Variants in SMG6 observed in about 807,000 individuals in gnomAD.
SMG6 encodes the protein SMG6 nonsense mediated mRNA decay factor, also known as telomerase-binding protein EST1A.
A neutral mutation model predicts 142.2 loss-of-function variants in SMG6; 66 were observed. The observed-to-expected ratio is 0.46, with a 90% CI of 0.38 to 0.57. SMG6 has a LOEUF of 0.57. SMG6 is among the 20% of genes least tolerant of loss of function. The pLI is 0.00. For missense variants in SMG6, 1,793 were observed against 1,832.0 expected, an observed-to-expected ratio of 0.98 and a Z score of 0.39; for synonymous variants, 779 against 702.4, an observed-to-expected ratio of 1.11 and a Z score of -1.72.
intron 8 of SMG6, among the ~76,000 whole-genome samples, chr17:2,246,231 A>C (rs1295290938): frequency 6.6e-6 from 1 of 152,186 alleles, no homozygotes; most frequent in Non-Finnish European, 1.5e-5. Flanking sequence ...CTAAAAACTA[A>C]ACCTCCTTGT....
At chr17:2,303,449 G>C (rs939894210) in intron 1 of SMG6, 184 bp downstream of exon 1, 2 of 1,305,224 alleles carry the variant, frequency 1.5e-6, no homozygotes, top group African/African-American at 3.1e-5. Flanking sequence ...GACTGGCCGA[G>C]CCCGACCCCG....
At chr17:2,274,526 G>T (rs546424067) in intron 8 of SMG6, among the ~76,000 whole-genome samples, 1 of 152,252 alleles carries the variant, frequency 6.6e-6, no homozygotes, top group Admixed American at 6.5e-5. Flanking sequence ...TCATTTGTTG[G>T]GTGAAGATAG....
intron 8 of SMG6, among the ~76,000 whole-genome samples, chr17:2,250,695 T>TA (rs1281431197): frequency 6.6e-6 from 1 of 152,080 alleles, no homozygotes; most frequent in Non-Finnish European, 1.5e-5. Context: ...CATATATTTT[T>TA]AAAAAAACAA....
intron 10 of SMG6, among the ~76,000 whole-genome samples, chr17:2,210,697 CGA>C (rs1438595083): frequency 6.8e-6 from 1 of 147,632 alleles, no homozygotes; most frequent in African/African-American, 2.5e-5. Context: ...ATGAGCAAAC[CGA>C]GAGAAAACAG....
chr17:2,290,734 T>C (rs452363), intron 6 of SMG6, among the ~76,000 whole-genome samples: 87,188 of 151,982 alleles, frequency 0.57, 26,258 homozygotes, highest in East Asian at 0.75. Context: ...CCAAAATATA[T>C]AAAGAACTCT....
chr17:2,100,943 C>T (rs979264626), intron 13 of SMG6, among the ~76,000 whole-genome samples: 2 of 152,152 alleles, frequency 1.3e-5, no homozygotes, highest in Non-Finnish European at 2.9e-5. Flanking sequence ...TGGGCCACAG[C>T]ACCTGGCCAG....
intron 13 of SMG6, among the ~76,000 whole-genome samples, chr17:2,153,825 C>A (rs1457669144): frequency 1.0e-5 from 1 of 97,540 alleles, no homozygotes; most frequent in Non-Finnish European, 2.0e-5. Context: ...CCTGGGGATG[C>A]ATGTAGAGTG....
chr17:2,128,055 C>T (rs1597434369), intron 13 of SMG6, among the ~76,000 whole-genome samples: 1 of 152,230 alleles, frequency 6.6e-6, no homozygotes, highest in Non-Finnish European at 1.5e-5. Context: ...TGTGCTCCAG[C>T]TGCAGGTATC....
chr17:2,069,063 C>T (rs2068027328), intron 15 of SMG6, 132 bp from the exon 16 acceptor site: 1 of 853,100 alleles, frequency 1.2e-6, no homozygotes, highest in Admixed American at 2.6e-5. Flanking sequence ...ATAACCAGTC[C>T]CCGTCGGGTC....
chr17:2,205,545 C>T (rs541253087), intron 10 of SMG6, among the ~76,000 whole-genome samples: 6 of 152,236 alleles, frequency 3.9e-5, no homozygotes, highest in Admixed American at 1.3e-4. Context: ...ATGTCAATCA[C>T]ATGGATTAAC....
At chr17:2,069,488 T>C (rs980994314) in intron 15 of SMG6, among the ~76,000 whole-genome samples, 4 of 150,668 alleles carry the variant, frequency 2.7e-5, no homozygotes, top group African/African-American at 9.8e-5. Flanking sequence ...CCCAGCTACT[T>C]GGGAGGCTGA....
intron 13 of SMG6, among the ~76,000 whole-genome samples, chr17:2,160,570 C>T (rs2071145669): frequency 6.6e-6 from 1 of 152,136 alleles, no homozygotes; most frequent in Non-Finnish European, 1.5e-5. Flanking sequence ...TGGCTCATGC[C>T]TGTAATTCCA....
chr17:2,175,269 G>A (rs950484460), intron 12 of SMG6, among the ~76,000 whole-genome samples: 1 of 152,220 alleles, frequency 6.6e-6, no homozygotes, highest in Non-Finnish European at 1.5e-5. Context: ...TCTCCCAGCT[G>A]AATTCTTGGC....
At chr17:2,112,543 A>C (rs2069368062) in intron 13 of SMG6, among the ~76,000 whole-genome samples, 1 of 148,480 alleles carries the variant, frequency 6.7e-6, no homozygotes, top group South Asian at 2.1e-4. Flanking sequence ...AAATAAATAA[A>C]TAAATAAATA....
intron 10 of SMG6, among the ~76,000 whole-genome samples, chr17:2,189,177 C>T (rs892385151): frequency 6.6e-6 from 1 of 152,138 alleles, no homozygotes; most frequent in African/African-American, 2.4e-5. Flanking sequence ...CTTCCCCTAG[C>T]GCTAAAAAAT....
At chr17:2,143,050 G>C (rs1051940300) in intron 13 of SMG6, among the ~76,000 whole-genome samples, 1 of 152,066 alleles carries the variant, frequency 6.6e-6, no homozygotes, top group Non-Finnish European at 1.5e-5. Context: ...CACTAGGATG[G>C]CTATAATAAA....
chr17:2,145,089 T>A (rs948356724), intron 13 of SMG6, among the ~76,000 whole-genome samples: 1 of 152,140 alleles, frequency 6.6e-6, no homozygotes, highest in Non-Finnish European at 1.5e-5. Context: ...TATATTATAG[T>A]TAGCATTTTA....
intron 15 of SMG6, among the ~76,000 whole-genome samples, chr17:2,070,286 G>C (rs918262444): frequency 5.3e-5 from 8 of 152,184 alleles, no homozygotes; most frequent in African/African-American, 1.9e-4. Context: ...CCTCTTCTGG[G>C]GACCATGGCC....
chr17:2,234,931 T>A (rs909353034), intron 10 of SMG6, among the ~76,000 whole-genome samples: 1 of 152,148 alleles, frequency 6.6e-6, no homozygotes, highest in Non-Finnish European at 1.5e-5. Flanking sequence ...CACAGGTCAT[T>A]TGGTGCTGGA....
Sources: gnomAD v4.1 joint callset for allele counts (sites outside exome capture counted in the v4.1 genomes callset) on GRCh38, gnomAD v4.1.1 for gene constraint, MANE v1.5 for transcripts, NCBI Gene and HGNC (gene_info 2026-07-23, HGNC 2026-07-21) for gene names.